Variants in MBTPS1 observed in about 807,000 individuals in gnomAD.
MBTPS1 encodes membrane bound transcription factor peptidase, site 1.
A neutral mutation model predicts 127.8 loss-of-function variants in MBTPS1; 94 were observed. The ratio of observed to expected loss-of-function variants is 0.74; its 90% CI spans 0.62 to 0.87. MBTPS1 has a LOEUF of 0.87. MBTPS1 is among the 40% of genes least tolerant of loss of function. The pLI, the probability that MBTPS1 is intolerant of heterozygous loss-of-function variation, is 0.00. For missense variants in MBTPS1, 1,636 were observed against 1,353.2 expected (o/e 1.21, Z -3.28); for synonymous variants, 632 against 509.4 (o/e 1.24, Z -3.24).
intron 10 of MBTPS1, among the ~76,000 whole-genome samples, chr16:84,084,599 A>G (rs1204846498): frequency 6.6e-6 from 1 of 152,204 alleles, no homozygotes; most frequent in African/African-American, 2.4e-5. Context: ...CCCCAAGGAA[A>G]TGGAGGATAT....
At chr16:84,060,295 G>C (rs368177177) in intron 20 of MBTPS1, 48 of 165,212 alleles carry the variant, frequency 2.9e-4, no homozygotes, top group Non-Finnish European at 4.6e-4. Context: ...GGGACAGTGA[G>C]GTAATCCATG....
chr16:84,087,250 G>A, intron 9 of MBTPS1, 108 bp downstream of exon 9: 1 of 787,572 alleles, frequency 1.3e-6, no homozygotes, highest in South Asian at 1.5e-5. Flanking sequence ...GTGAATGTGA[G>A]GGTGTCTGTG....
intron 5 of MBTPS1, 27 bp downstream of exon 5, chr16:84,093,684 C>A (rs1216103866): frequency 4.8e-6 from 7 of 1,465,574 alleles, no homozygotes; most frequent in Non-Finnish European, 6.7e-6. Context: ...ATCACATGAC[C>A]ACGTTCTCAC....
intron 16 of MBTPS1, 32 bp downstream of exon 16, chr16:84,067,635 C>CACACTTT (rs3835163): frequency 2.6e-6 from 4 of 1,547,972 alleles, no homozygotes; most frequent in East Asian, 4.6e-5. Flanking sequence ...CCCCAAAAGT[C>CACACTTT]TTATCCAAAT....
intron 11 of MBTPS1, among the ~76,000 whole-genome samples, chr16:84,077,379 G>T (rs941030803): frequency 1.3e-5 from 2 of 152,002 alleles, no homozygotes; most frequent in African/African-American, 4.8e-5. Flanking sequence ...AAAACAGTGT[G>T]GTACCAGTAC....
At chr16:84,115,751 G>A (rs1416116343) in intron 1 of MBTPS1, among the ~76,000 whole-genome samples, 1 of 152,160 alleles carries the variant, frequency 6.6e-6, no homozygotes, top group Non-Finnish European at 1.5e-5. Flanking sequence ...GACTACAACT[G>A]GGCATCAGAG....
chr16:84,087,630 G>A (rs1042529007), intron 8 of MBTPS1, among the ~76,000 whole-genome samples, 170 bp from the exon 9 acceptor site: 1 of 152,108 alleles, frequency 6.6e-6, no homozygotes, highest in Admixed American at 6.5e-5. Flanking sequence ...CCTGTGAAAC[G>A]CATGATCCTG....
At chr16:84,103,252 TA>T (rs1488241177) in intron 1 of MBTPS1, among the ~76,000 whole-genome samples, 19 of 149,956 alleles carry the variant, frequency 1.3e-4, no homozygotes, top group African/African-American at 4.2e-4. Context: ...TTATTATTAT[TA>T]TTATTTTTTT....
At chr16:84,076,943 G>A (rs73249046) in intron 11 of MBTPS1, among the ~76,000 whole-genome samples, 8,127 of 152,234 alleles carry the variant, frequency 0.053, 492 homozygotes, top group African/African-American at 0.15. Context: ...TAGCCAAGAA[G>A]GGCCGGGTGA....
rs181468686 is a variant in MBTPS1 at position 84,072,456 on chromosome 16, T to C, written c.1594-1680A>G. On this transcript the variant is annotated intron_variant, in intron 12 of 22. Transcript: ENST00000343411. ...GGTGAATTTCACGATACGTGGATTT[T>C]ATCTCAATTTTTTAAAACACTAATG... Among the ~76,000 whole-genome samples the C allele has an allele frequency of 3.5e-3, 529 of 152,322 alleles. 3 individuals are homozygous for C. Among genetic ancestry groups the C allele is most frequent in the African/African-American group, 0.012 (510 of 41,560 alleles).
At chr16:84,058,678 A>C (rs2085557991) in intron 21 of MBTPS1, among the ~76,000 whole-genome samples, 1 of 152,234 alleles carries the variant, frequency 6.6e-6, no homozygotes, top group South Asian at 2.1e-4. Context: ...CCACAGAGGG[A>C]AACAGCAGGT....
intron 19 of MBTPS1, 33 bp downstream of exon 19, chr16:84,063,272 C>T (rs372134252): frequency 5.7e-6 from 9 of 1,590,514 alleles, no homozygotes; most frequent in Middle Eastern, 1.9e-4. Context: ...ATCTGAGTGC[C>T]GAAGTCACAA....
chr16:84,112,618 C>T (rs572853291), intron 1 of MBTPS1, among the ~76,000 whole-genome samples: 21 of 147,166 alleles, frequency 1.4e-4, no homozygotes, highest in African/African-American at 2.0e-4. Context: ...GCTGAGATCA[C>T]GCCACTGCAC....
chr16:84,063,568 AT>A, intron 18 of MBTPS1, 123 bp from the exon 19 acceptor site: 1 of 936,514 alleles, frequency 1.1e-6, no homozygotes, highest in Non-Finnish European at 1.6e-6. Context: ...CAATTAAAAC[AT>A]TGCAAATTTT....
intron 1 of MBTPS1, among the ~76,000 whole-genome samples, chr16:84,115,798 G>C (rs1567511494): frequency 6.6e-6 from 1 of 152,162 alleles, no homozygotes; most frequent in Non-Finnish European, 1.5e-5. Context: ...AAGTGGATTT[G>C]GTAGTGGCTG....
rs535545758 is a variant in MBTPS1, at chr16:84,085,095, C to G, written c.1174G>C (p.Val392Leu). 6.2e-7 allele frequency: 1 copy of G among 1,614,176 alleles called. No individual in the cohort carries two copies. The highest frequency in any genetic ancestry group is 8.5e-7 in the Non-Finnish European group (1 of 1,180,034). The change falls in exon 10 of 23, where the codon GTC becomes CTC. Residue 392 changes from valine to leucine, a missense_variant. Coordinates refer to ENST00000343411, the MANE Select transcript of MBTPS1 (RefSeq NM_003791.4). ...CCCCGCACGCCAGCACCATAGGTGA[C>G]AATGTCAGGTTTCATGCGACCGTAG... Reference protein sequence around the residue: ...GGYGRMKPDIVTYGAGVRGSG... With the variant: ...GGYGRMKPDILTYGAGVRGSG...
At chr16:84,059,547 T>G (rs2280023) in intron 20 of MBTPS1, 119 bp from the exon 21 acceptor site, 239,693 of 903,172 alleles carry the variant, frequency 0.27, 33,712 homozygotes, top group East Asian at 0.36. Context: ...ACAGAGCCCC[T>G]GTGCTCTATT....
chr16:84,090,350 C>T (rs937166021), intron 8 of MBTPS1, among the ~76,000 whole-genome samples: 2 of 152,196 alleles, frequency 1.3e-5, no homozygotes, highest in African/African-American at 2.4e-5. Context: ...GTCCTCCCTG[C>T]CTCCCTCCTA....
rs747612365 is a variant in MBTPS1 at position 84,060,759 on chromosome 16, G to A, written c.2627C>T (p.Pro876Leu). The A allele has an allele frequency of 1.3e-5, 21 of 1,609,632 alleles. No individual in the cohort carries two copies. The highest frequency in any genetic ancestry group is 2.2e-5 in the East Asian group (1 of 44,776). ...GTTCCCAGAGTGACTGAGGCTAGGC[G>A]GTGTCACCCCATACGATGTGTACTG... ...LLQYTSYGVT[P>L]PSLSHSGNRQ... Residue 876 changes from proline (P) to leucine (L), a missense_variant, in exon 20 of 23, where the codon CCG (proline) becomes CTG (leucine). Transcript: ENST00000343411.
Sources: allele counts gnomAD v4.1 joint callset (sites outside exome capture counted in the v4.1 genomes callset), GRCh38; gene constraint gnomAD v4.1.1; transcripts MANE v1.5; gene names NCBI Gene and HGNC (gene_info 2026-07-23, HGNC 2026-07-21).